The following ZSCAN18 variants were observed in gnomAD, a reference collection of about 807,000 sequenced individuals.
The protein encoded by ZSCAN18 is zinc finger and SCAN domain-containing protein 18.
ZSCAN18 carries 16 observed loss-of-function variants against 31.1 expected under a neutral mutation model. That is an observed-to-expected ratio of 0.51 (90% CI 0.35 to 0.78). ZSCAN18 has a LOEUF of 0.78. ZSCAN18 is among the 30% of genes least tolerant of loss of function. ZSCAN18 has a pLI of 0.01. For missense variants in ZSCAN18, 731 were observed against 697.4 expected (o/e 1.05, Z -0.54); for synonymous variants, 375 against 320.7 (o/e 1.17, Z -1.81).
chr19:58,097,093 G>A (rs1328323306), intron 1 of ZSCAN18, among the ~76,000 whole-genome samples: 1 of 152,204 alleles, frequency 6.6e-6, no homozygotes, highest in African/African-American at 2.4e-5. Context: ...GATGGGATGG[G>A]GGAAGTGAAA....
At chr19:58,118,339 G>T in exon 1 of ZSCAN18, 1 of 1,532,792 alleles carries the variant, frequency 6.5e-7, no homozygotes, top group Non-Finnish European at 8.8e-7. Context: ...GCGAGAGGAC[G>T]GAACTCACTT....
chr19:58,095,720 G>A (rs983723165), intron 1 of ZSCAN18, among the ~76,000 whole-genome samples: 1 of 152,172 alleles, frequency 6.6e-6, no homozygotes, highest in Non-Finnish European at 1.5e-5. Flanking sequence ...GACAGTGGGG[G>A]ACACATGTCA....
chr19:58,089,887 G>A lies in ZSCAN18; in HGVS notation c.381C>T (p.Leu127=), dbSNP rs372841324. The A allele has an allele frequency of 4.4e-5, 71 of 1,611,822 alleles. No individual in the cohort carries two copies. Among genetic ancestry groups the A allele is most frequent in the African/African-American group, 3.3e-4 (25 of 74,884 alleles). ...CKKAASLVEG[L]ADVLEEPGML... Reference sequence around the variant, plus strand: ...CACCTGGCTCTTCCAGGACATCAGCGAGGCCCTCCACCAGGGAGGCTGCCT... The same window carrying A: ...CACCTGGCTCTTCCAGGACATCAGCAAGGCCCTCCACCAGGGAGGCTGCCT... Residue 127 remains leucine (L), a synonymous_variant, in exon 2 of 7, where the codon CTC becomes CTT. Transcript: ENST00000601144.
upstream of ZSCAN18, among the ~76,000 whole-genome samples, chr19:58,099,386 G>T (rs2074573284): frequency 6.6e-6 from 1 of 152,032 alleles, no homozygotes; most frequent in Non-Finnish European, 1.5e-5. Flanking sequence ...CTTTTTCACT[G>T]AACATAATTC....
chr19:58,095,917 A>T (rs908007908), intron 1 of ZSCAN18, among the ~76,000 whole-genome samples: 4 of 152,178 alleles, frequency 2.6e-5, no homozygotes, highest in Non-Finnish European at 5.9e-5. Context: ...CCTCCTGTGA[A>T]AACAGCCTCT....
At chr19:58,100,495 T>C (rs117958372), upstream of ZSCAN18, among the ~76,000 whole-genome samples, 9 of 152,058 alleles carry the variant, frequency 5.9e-5, no homozygotes, top group Non-Finnish European at 1.2e-4. Context: ...CCCACTGGAG[T>C]CACCTCATTA....
At chr19:58,098,296 G>A, upstream of ZSCAN18, 4 of 985,456 alleles carry the variant, frequency 4.1e-6, no homozygotes, top group Non-Finnish European at 4.8e-6. Context: ...ATGCCGCGAG[G>A]CTGTGCCGCG....
chr19:58,093,099 G>GC (rs1001633133), intron 1 of ZSCAN18: 1 of 151,100 alleles, frequency 6.6e-6, no homozygotes, highest in Admixed American at 6.6e-5. Flanking sequence ...TACCTCATAG[G>GC]CCTGAGCTCT....
chr19:58,109,224 T>C, intron 1 of ZSCAN18: 1 of 1,231,622 alleles, frequency 8.1e-7, no homozygotes, highest in Non-Finnish European at 1.0e-6. Flanking sequence ...CTGATGAACC[T>C]TTTTATTTTC....
chr19:58,085,468 C>A, intron 6 of ZSCAN18, 89 bp from the exon 7 acceptor site: 1 of 1,206,310 alleles, frequency 8.3e-7, no homozygotes, highest in Non-Finnish European at 1.1e-6. Flanking sequence ...CGGAACAGCG[C>A]ACAGGGCTCC....
At chr19:58,085,497 G>C in intron 6 of ZSCAN18, 118 bp from the exon 7 acceptor site, 2 of 909,038 alleles carry the variant, frequency 2.2e-6, no homozygotes, top group Non-Finnish European at 3.2e-6. Flanking sequence ...GATCCCCGCG[G>C]GGCTCACGGC....
chr19:58,086,500 G>C (rs2074283322), intron 5 of ZSCAN18: 2 of 513,750 alleles, frequency 3.9e-6, no homozygotes, highest in Non-Finnish European at 6.9e-6. Flanking sequence ...CAAAGCTAAA[G>C]AAAGACATTG....
upstream of ZSCAN18, among the ~76,000 whole-genome samples, chr19:58,101,947 C>T (rs1255711764): frequency 6.6e-6 from 1 of 151,722 alleles, no homozygotes; most frequent in African/African-American, 2.4e-5. Flanking sequence ...GTTGAGTTTC[C>T]TATATAGGCC....
chr19:58,099,468 T>A (rs1019489), upstream of ZSCAN18, among the ~76,000 whole-genome samples: 2 of 152,022 alleles, frequency 1.3e-5, no homozygotes, highest in Non-Finnish European at 2.9e-5. Flanking sequence ...TTCTATGGTA[T>A]ATAGCAGTTT....
intron 2 of ZSCAN18, among the ~76,000 whole-genome samples, chr19:58,089,284 C>A (rs1250724987): frequency 1.0e-5 from 1 of 97,300 alleles, no homozygotes; most frequent in Non-Finnish European, 1.8e-5. Flanking sequence ...GCCTGGGCGA[C>A]AGAGCGAGAC....
At chr19:58,098,052 G>A (rs2074554758) in intron 1 of ZSCAN18, 122 bp downstream of exon 1, 35 of 985,410 alleles carry the variant, frequency 3.6e-5, no homozygotes, top group Non-Finnish European at 4.0e-5. Context: ...GCGGGGGCTC[G>A]CACCCCAACC....
intron 1 of ZSCAN18, chr19:58,108,359 A>G: frequency 1.0e-6 from 1 of 985,474 alleles, no homozygotes; most frequent in Non-Finnish European, 1.2e-6. Flanking sequence ...TTTCCACAGT[A>G]TGACTTCTGA....
At chr19:58,115,938 AC>A (rs2074726123) in intron 1 of ZSCAN18, among the ~76,000 whole-genome samples, 2 of 151,864 alleles carry the variant, frequency 1.3e-5, no homozygotes, top group Non-Finnish European at 2.9e-5. Context: ...AACGCTGAAA[AC>A]CTGGAAACTT....
Position 58,087,314 on chromosome 19 carries a change from A to C in ZSCAN18, c.642+2T>G. 6.2e-7 allele frequency: 1 copy of C among 1,602,384 alleles called. No homozygotes were observed. Among genetic ancestry groups the C allele is most frequent in the Non-Finnish European group, 8.5e-7 (1 of 1,174,302 alleles). Reference sequence around the variant, plus strand: ...CTCACCCACCTGCTCGTGCCCACCCACCTGCTCGGTGTTGGCAGGGCCGTC... The same window carrying C: ...CTCACCCACCTGCTCGTGCCCACCCCCCTGCTCGGTGTTGGCAGGGCCGTC... On this transcript the variant is annotated splice_donor_variant, in intron 4 of 6. Transcript: ENST00000601144. LOFTEE classifies it high-confidence loss of function.
Sources: allele counts gnomAD v4.1 joint callset (sites outside exome capture counted in the v4.1 genomes callset), GRCh38; gene constraint gnomAD v4.1.1; transcripts MANE v1.5; gene names NCBI Gene and HGNC (gene_info 2026-07-23, HGNC 2026-07-21).